SVIL: variants seen among roughly 807,000 people sequenced by gnomAD.
SVIL encodes supervillin.
In SVIL, 101 loss-of-function variants were observed where a neutral mutation model predicts 240.4. That is an observed-to-expected ratio of 0.42 (90% CI 0.36 to 0.50). The LOEUF is 0.50. Ranked by LOEUF, SVIL falls within the 20% of genes least tolerant of loss-of-function variation. The probability of loss-of-function intolerance (pLI) is 0.01; values close to 1 mark genes in which losing one functional copy is unlikely to be tolerated. For missense variants in SVIL, 2,512 were observed against 2,818.7 expected (o/e 0.89, Z 2.46); for synonymous variants, 999 against 1,100.0 (o/e 0.91, Z 1.82).
At chr10:29,496,381 G>A (rs1377703212) in intron 18 of SVIL, 1 of 455,362 alleles carries the variant, frequency 2.2e-6, no homozygotes, top group Admixed American at 2.4e-5. Context: ...GGGTGGGGAG[G>A]GAAATCTTTA....
At chr10:29,503,454 C>G (rs1949050427) in intron 17 of SVIL, among the ~76,000 whole-genome samples, 1 of 152,106 alleles carries the variant, frequency 6.6e-6, no homozygotes, top group Non-Finnish European at 1.5e-5. Flanking sequence ...TTAGACAGAG[C>G]CTGTGTGCTT....
At chr10:29,713,485 T>C (rs1460335955) in intron 1 of SVIL, among the ~76,000 whole-genome samples, 2 of 152,236 alleles carry the variant, frequency 1.3e-5, no homozygotes, top group African/African-American at 2.4e-5. Context: ...TTTTCAGCCA[T>C]GTTCATGAAT....
intron 12 of SVIL, 48 bp downstream of exon 12, chr10:29,529,657 T>TA (rs770837932): frequency 1.4e-5 from 22 of 1,531,338 alleles, no homozygotes; most frequent in East Asian, 7.0e-5. Flanking sequence ...TGTATTTTTT[T>TA]AAAAAAAGAC....
intron 18 of SVIL, among the ~76,000 whole-genome samples, chr10:29,496,804 C>T (rs1948481593): frequency 6.6e-6 from 1 of 152,116 alleles, no homozygotes; most frequent in Non-Finnish European, 1.5e-5. Flanking sequence ...GTAGTAAGAA[C>T]CCACTTACAA....
intron 1 of SVIL, among the ~76,000 whole-genome samples, chr10:29,623,074 T>A (rs1014398947): frequency 6.6e-6 from 1 of 152,104 alleles, no homozygotes; most frequent in Admixed American, 6.5e-5. Flanking sequence ...AAATAAGGAA[T>A]CCCCAGGAAA....
At chr10:29,627,337 C>A (rs1182473811) in intron 1 of SVIL, among the ~76,000 whole-genome samples, 1 of 152,048 alleles carries the variant, frequency 6.6e-6, no homozygotes, top group East Asian at 1.9e-4. Context: ...CTTAAAAATC[C>A]TCTAGTCCAA....
intron 2 of SVIL, among the ~76,000 whole-genome samples, chr10:29,660,744 G>A (rs942659890): frequency 6.6e-6 from 1 of 152,222 alleles, no homozygotes; most frequent in Non-Finnish European, 1.5e-5. Flanking sequence ...TTCCCCTCCT[G>A]ACCTCTGGAG....
At chr10:29,632,081 T>C (rs1389623865) in intron 1 of SVIL, among the ~76,000 whole-genome samples, 1 of 152,214 alleles carries the variant, frequency 6.6e-6, no homozygotes, top group East Asian at 1.9e-4. Context: ...TCCTAGCAGC[T>C]TACTCTCCAT....
rs567635597 is a variant in SVIL, at chr10:29,495,461, A to G, written c.3665-280T>C. Among the ~76,000 whole-genome samples the G allele has an allele frequency of 7.0e-3, 1,064 of 152,306 alleles. 10 individuals are homozygous for G. The highest frequency in any genetic ancestry group is 0.043 in the South Asian group (205 of 4,816). ...TGGGAAAACATGTCCATGACACGTT[A>G]ACTTGGGCAAATGCAGCTGTGAGTT... On this transcript the variant is annotated intron_variant, in intron 18 of 37. Transcript: ENST00000355867.
At chr10:29,666,570 G>A (rs1418563754) in intron 2 of SVIL, among the ~76,000 whole-genome samples, 2 of 152,164 alleles carry the variant, frequency 1.3e-5, no homozygotes, top group Non-Finnish European at 2.9e-5. Flanking sequence ...GTCTCACTAA[G>A]GGTGGGTATT....
intron 5 of SVIL, among the ~76,000 whole-genome samples, chr10:29,551,549 A>G (rs769782711): frequency 6.6e-6 from 1 of 152,176 alleles, no homozygotes; most frequent in Non-Finnish European, 1.5e-5. Flanking sequence ...AGAGCGCCTC[A>G]GTCTTTGTTC....
intron 30 of SVIL, among the ~76,000 whole-genome samples, chr10:29,472,504 G>C (rs1360520570): frequency 6.6e-6 from 1 of 152,220 alleles, no homozygotes; most frequent in African/African-American, 2.4e-5. Flanking sequence ...GCATTGTCCT[G>C]TTTTCAAAGA....
At chr10:29,687,394 C>CA (rs1258251705) in intron 1 of SVIL, among the ~76,000 whole-genome samples, 1 of 152,168 alleles carries the variant, frequency 6.6e-6, no homozygotes, top group African/African-American at 2.4e-5. Context: ...TAAAATCTCC[C>CA]AAAAATGTCA....
intron 3 of SVIL, among the ~76,000 whole-genome samples, chr10:29,560,197 A>G (rs1954328850): frequency 6.6e-6 from 1 of 152,218 alleles, no homozygotes. Context: ...ATATAAAGAC[A>G]AGCAGCTCAT....
At chr10:29,548,934 C>T (rs533323264) in intron 6 of SVIL, among the ~76,000 whole-genome samples, 7 of 152,254 alleles carry the variant, frequency 4.6e-5, no homozygotes, top group South Asian at 4.1e-4. Context: ...GTTTTTAAAA[C>T]GAACATAAGA....
intron 1 of SVIL, among the ~76,000 whole-genome samples, chr10:29,732,871 T>A (rs1343400734): frequency 1.3e-5 from 2 of 151,994 alleles, no homozygotes; most frequent in Admixed American, 6.5e-5. Context: ...TTTTTTTTTT[T>A]AATTCCTACC....
chr10:29,635,997 T>C (rs770432642), upstream of SVIL, among the ~76,000 whole-genome samples: 13 of 152,108 alleles, frequency 8.5e-5, no homozygotes, highest in African/African-American at 1.2e-4. Context: ...ACAATGCCTC[T>C]CCCTAAGAGG....
chr10:29,575,329 T>G (rs775037698), intron 1 of SVIL: 2 of 215,434 alleles, frequency 9.3e-6, no homozygotes, highest in African/African-American at 4.6e-5. Context: ...ATTATTATCT[T>G]GACGAGAAAT....
intron 2 of SVIL, among the ~76,000 whole-genome samples, chr10:29,674,336 A>C (rs1414062164): frequency 3.3e-5 from 5 of 152,098 alleles, no homozygotes; most frequent in African/African-American, 2.4e-5. Context: ...GTCTCAAAAA[A>C]AGTGGGGGGT....
Sources: allele counts gnomAD v4.1 joint callset (sites outside exome capture counted in the v4.1 genomes callset), GRCh38; gene constraint gnomAD v4.1.1; transcripts MANE v1.5; gene names NCBI Gene and HGNC (gene_info 2026-07-23, HGNC 2026-07-21).